Variants in SGCZ observed in about 807,000 individuals in gnomAD.
SGCZ encodes the protein zeta-sarcoglycan.
A neutral mutation model predicts 41.3 loss-of-function variants in SGCZ; 40 were observed. The observed-to-expected ratio is 0.97, with a 90% CI of 0.75 to 1.26. The LOEUF is 1.26. Among genes scored for constraint, SGCZ ranks in the 50% most tolerant of loss-of-function variants. The probability of loss-of-function intolerance (pLI) is 0.00; values close to 1 mark genes in which losing one functional copy is unlikely to be tolerated. For missense variants in SGCZ, 552 were observed against 369.8 expected, an observed-to-expected ratio of 1.49 and a Z score of -4.04; for synonymous variants, 206 against 137.5, an observed-to-expected ratio of 1.50 and a Z score of -3.49.
intron 1 of SGCZ, among the ~76,000 whole-genome samples, chr8:14,722,213 G>T (rs1198161214): frequency 2.0e-5 from 3 of 151,908 alleles, no homozygotes; most frequent in African/African-American, 7.3e-5. Context: ...CCACATGAGG[G>T]CATATATTTA....
intron 1 of SGCZ, among the ~76,000 whole-genome samples, chr8:15,058,908 G>C (rs778838264): frequency 3.9e-5 from 6 of 152,050 alleles, no homozygotes; most frequent in Non-Finnish European, 5.9e-5. Context: ...GAGTGGAAAA[G>C]GAAATTACAG....
At chr8:15,012,816 T>C (rs1259418629) in intron 1 of SGCZ, among the ~76,000 whole-genome samples, 3 of 150,682 alleles carry the variant, frequency 2.0e-5, no homozygotes, top group African/African-American at 4.9e-5. Flanking sequence ...TATATACGTA[T>C]ACAAGAATCA....
chr8:15,176,920 G>C (rs1378457889), intron 1 of SGCZ, among the ~76,000 whole-genome samples: 1 of 152,136 alleles, frequency 6.6e-6, no homozygotes, highest in Non-Finnish European at 1.5e-5. Context: ...ACAATGGCGT[G>C]AACCCAGGAG....
At chr8:14,597,688 G>A (rs1210718558) in intron 1 of SGCZ, among the ~76,000 whole-genome samples, 1 of 152,088 alleles carries the variant, frequency 6.6e-6, no homozygotes, top group Admixed American at 6.6e-5. Context: ...TGTTGGCCAG[G>A]CTGGTCTCGA....
chr8:15,127,387 G>A (rs1456802969), intron 1 of SGCZ, among the ~76,000 whole-genome samples: 2 of 152,078 alleles, frequency 1.3e-5, no homozygotes, highest in Non-Finnish European at 2.9e-5. Context: ...ATACCATTCC[G>A]TGTCCTGTAT....
intron 1 of SGCZ, among the ~76,000 whole-genome samples, chr8:14,931,948 A>G (rs899328203): frequency 1.3e-5 from 2 of 151,948 alleles, no homozygotes; most frequent in Non-Finnish European, 2.9e-5. Context: ...GTGTCTCTTC[A>G]TGGAGACAGC....
intron 3 of SGCZ, among the ~76,000 whole-genome samples, chr8:14,274,828 C>T (rs1417668299): frequency 6.6e-6 from 1 of 151,774 alleles, no homozygotes; most frequent in African/African-American, 2.4e-5. Context: ...TAATATAGGT[C>T]TCATAATAAT....
At chr8:14,168,676 A>T (rs1322187293) in intron 4 of SGCZ, among the ~76,000 whole-genome samples, 1 of 152,158 alleles carries the variant, frequency 6.6e-6, no homozygotes, top group African/African-American at 2.4e-5. Flanking sequence ...AGTCTCAGGT[A>T]TGTCTTTACT....
rs1801510737 is a variant in SGCZ at position 14,085,919 on chromosome 8, C to A, written c.*4524G>T. On this transcript the variant is annotated 3_prime_UTR_variant, in exon 8 of 8. Transcript: ENST00000382080. Reference sequence around the variant, plus strand: ...AGTTAAATACAATAGAAATCCCATTCTTTGGTCTTTGACATTTAAACAACT... The same window carrying A: ...AGTTAAATACAATAGAAATCCCATTATTTGGTCTTTGACATTTAAACAACT... 6.6e-6 allele frequency among the ~76,000 whole-genome samples: 1 copy of A among 151,700 alleles called. No homozygotes were observed. Among genetic ancestry groups the A allele is most frequent in the Admixed American group, 6.6e-5 (1 of 15,162 alleles).
chr8:14,800,104 C>G (rs924627667), intron 1 of SGCZ, among the ~76,000 whole-genome samples: 3 of 151,782 alleles, frequency 2.0e-5, no homozygotes, highest in African/African-American at 7.3e-5. Context: ...TTAAATCTCA[C>G]CATTGAACCA....
At chr8:14,097,447 G>A (rs147176806) in intron 7 of SGCZ, among the ~76,000 whole-genome samples, 2 of 152,310 alleles carry the variant, frequency 1.3e-5, no homozygotes, top group Non-Finnish European at 2.9e-5. Context: ...TGATTGCACT[G>A]TGGTCTGAGA....
intron 3 of SGCZ, 69 bp downstream of exon 3, chr8:14,324,034 C>A (rs1184488623): frequency 1.9e-6 from 2 of 1,034,144 alleles, no homozygotes; most frequent in Non-Finnish European, 3.0e-6. Flanking sequence ...GGATTCTACC[C>A]TGCTATTTCA....
At chr8:14,384,374 C>T (rs983071726) in intron 2 of SGCZ, among the ~76,000 whole-genome samples, 2 of 151,912 alleles carry the variant, frequency 1.3e-5, no homozygotes, top group Non-Finnish European at 2.9e-5. Context: ...ACCCAAATGT[C>T]GACCAACGAT....
At chr8:14,328,529 TA>T (rs1314928141) in intron 2 of SGCZ, among the ~76,000 whole-genome samples, 1 of 152,212 alleles carries the variant, frequency 6.6e-6, no homozygotes, top group Non-Finnish European at 1.5e-5. Context: ...GTAGAAAGCT[TA>T]AAATAGTGCC....
intron 2 of SGCZ, among the ~76,000 whole-genome samples, chr8:14,456,187 T>C (rs1800738198): frequency 6.6e-6 from 1 of 152,112 alleles, no homozygotes; most frequent in African/African-American, 2.4e-5. Context: ...GGCAGGCAAA[T>C]CACCTGAGGT....
At chr8:14,568,249 A>G (rs7832223) in intron 1 of SGCZ, among the ~76,000 whole-genome samples, 142,020 of 151,830 alleles carry the variant, frequency 0.94, 66,481 homozygotes, top group Non-Finnish European at 0.95. Flanking sequence ...GGGGAGAAAG[A>G]GGAGGGAGAG....
intron 5 of SGCZ, among the ~76,000 whole-genome samples, chr8:14,145,825 T>G (rs1803505262): frequency 6.6e-6 from 1 of 151,664 alleles, no homozygotes; most frequent in South Asian, 2.1e-4. Flanking sequence ...CACATTAGAG[T>G]TCTTTAATGG....
intron 1 of SGCZ, among the ~76,000 whole-genome samples, chr8:15,096,308 G>A (rs1478603499): frequency 2.6e-5 from 4 of 151,432 alleles, no homozygotes; most frequent in Admixed American, 2.6e-4. Context: ...GGCTGGTCTT[G>A]AACTCCTGAC....
At chr8:14,405,830 G>C (rs150705555) in intron 2 of SGCZ, among the ~76,000 whole-genome samples, 1 of 151,896 alleles carries the variant, frequency 6.6e-6, no homozygotes, top group African/African-American at 2.4e-5. Flanking sequence ...AGAACATTTC[G>C]GCATTATCAT....
Sources: allele counts gnomAD v4.1 joint callset (sites outside exome capture counted in the v4.1 genomes callset), GRCh38; gene constraint gnomAD v4.1.1; transcripts MANE v1.5; gene names NCBI Gene and HGNC (gene_info 2026-07-23, HGNC 2026-07-21).